The following ASIC2 variants were observed in gnomAD, a reference collection of about 807,000 sequenced individuals.
ASIC2 encodes the protein acid-sensing ion channel 2.
A neutral mutation model predicts 57.3 loss-of-function variants in ASIC2; 25 were observed. The observed-to-expected ratio is 0.44, with a 90% CI of 0.32 to 0.61. The LOEUF is 0.61. Among genes scored for constraint, ASIC2 ranks in the 20% least tolerant of loss-of-function variants. ASIC2 has a pLI of 0.06. For missense variants in ASIC2, 641 were observed against 738.1 expected (o/e 0.87, Z 1.52); for synonymous variants, 319 against 307.5 (o/e 1.04, Z -0.39).
At chr17:33,790,029 A>T (rs1312834884) in intron 1 of ASIC2, among the ~76,000 whole-genome samples, 1 of 152,252 alleles carries the variant, frequency 6.6e-6, no homozygotes, top group African/African-American at 2.4e-5. Context: ...CAATGATGAG[A>T]CATGGAAAGT....
chr17:33,826,355 G>A (rs939524762), intron 1 of ASIC2, among the ~76,000 whole-genome samples: 22 of 152,260 alleles, frequency 1.4e-4, no homozygotes, highest in African/African-American at 5.3e-4. Flanking sequence ...CCCTTTTTGG[G>A]GGAGTGAGGC....
rs12450253 is a variant in ASIC2, at chr17:33,690,600, G to A, written c.555+465378C>T. 5.7e-3 allele frequency among the ~76,000 whole-genome samples: 868 copies of A among 152,134 alleles called. 23 individuals are homozygous for A. Among genetic ancestry groups the A allele is most frequent in the Admixed American group, 0.046 (701 of 15,280 alleles). On this transcript the variant is annotated intron_variant, in intron 1 of 9. Coordinates refer to the ASIC2 transcript ENST00000359872. Reference sequence around the variant, plus strand: ...ACATACCCAAGCCCAGAAACAATGCGGGAGGGGACTATACAAGGGTTTAAG... The same window carrying A: ...ACATACCCAAGCCCAGAAACAATGCAGGAGGGGACTATACAAGGGTTTAAG...
intron 1 of ASIC2, among the ~76,000 whole-genome samples, chr17:34,098,387 C>T (rs1910623495): frequency 6.6e-6 from 1 of 152,122 alleles, no homozygotes; most frequent in African/African-American, 2.4e-5. Context: ...AAAACAACAG[C>T]AACAGTAAAA....
At chr17:34,081,494 C>A (rs1465796493) in intron 1 of ASIC2, among the ~76,000 whole-genome samples, 1 of 152,204 alleles carries the variant, frequency 6.6e-6, no homozygotes, top group East Asian at 1.9e-4. Flanking sequence ...CTGGAAAGAG[C>A]TTTCCCCAGC....
At chr17:33,763,578 C>T (rs567691599) in intron 1 of ASIC2, among the ~76,000 whole-genome samples, 2 of 152,294 alleles carry the variant, frequency 1.3e-5, no homozygotes, top group Admixed American at 6.5e-5. Flanking sequence ...CTTAGGTGCA[C>T]CCAAGTGACC....
intron 1 of ASIC2, among the ~76,000 whole-genome samples, chr17:33,419,037 C>T (rs1910956767): frequency 6.6e-6 from 1 of 152,120 alleles, no homozygotes; most frequent in Non-Finnish European, 1.5e-5. Flanking sequence ...ACCACCATGG[C>T]ACGTATATAC....
In ASIC2 at chr17:33,625,528, A is replaced by G. The variant is rs560775623; in HGVS notation, c.556-513461T>C. Among the ~76,000 whole-genome samples, 3 of 152,310 alleles carry G rather than the reference A, an allele frequency of 2.0e-5. No homozygotes were observed. In the South Asian group the frequency reaches 6.2e-4, roughly 32 times the overall value. ...CAGCTCCCATGAAAACTGTGAGCTGATAAGTTATTGTTTTAAGCTTCCACA... is the reference window on the plus strand; with the variant it reads ...CAGCTCCCATGAAAACTGTGAGCTGGTAAGTTATTGTTTTAAGCTTCCACA... On this transcript the variant is annotated intron_variant, in intron 1 of 9. Transcript: ENST00000359872.
rs188656660 is a variant in ASIC2 at position 33,844,393 on chromosome 17, C to T, written c.555+311585G>A. On this transcript the variant is annotated intron_variant, in intron 1 of 9. Coordinates refer to the ASIC2 transcript ENST00000359872. Reference sequence around the variant, plus strand: ...TGGGATGGAGTCATAACCTTCAAGACATGTGGGCAGGACCATTTAGATCAC... The same window carrying T: ...TGGGATGGAGTCATAACCTTCAAGATATGTGGGCAGGACCATTTAGATCAC... 3.3e-5 allele frequency among the ~76,000 whole-genome samples: 5 copies of T among 152,270 alleles called. No homozygotes were observed. The East Asian group carries it at 7.7e-4, about 23-fold the overall frequency.
chr17:33,068,510 C>G (rs2092053504), intron 3 of ASIC2, among the ~76,000 whole-genome samples: 1 of 144,284 alleles, frequency 6.9e-6, no homozygotes, highest in African/African-American at 2.5e-5. Context: ...GCCTGGGCAA[C>G]AAGAGCGAAA....
chr17:33,609,082 CTA>C lies in ASIC2; in HGVS notation c.556-497017_556-497016del. 2.0e-5 allele frequency among the ~76,000 whole-genome samples: 3 copies of C among 152,308 alleles called. 1 individual carries two copies. In the Middle Eastern group the frequency reaches 0.01, roughly 518 times the overall value. The stretch of plus-strand genomic sequence containing the variant: ...CCTGCCACAAAGACATGTCTTCACT[CTA>C]TGTACTTACTTCTCCCTATCTCTTT... On this transcript the variant is annotated intron_variant, in intron 1 of 9. Transcript: ENST00000359872.
chr17:33,954,760 GA>G (rs1904681830), intron 1 of ASIC2, among the ~76,000 whole-genome samples: 1 of 152,192 alleles, frequency 6.6e-6, no homozygotes, highest in Non-Finnish European at 1.5e-5. Flanking sequence ...CCTCATTTCT[GA>G]GAGGAAATGG....
At position 34,040,616 on chromosome 17, in the gene ASIC2, G is replaced by A. The variant is rs186028798; in HGVS notation, c.555+115362C>T. ...AAGCTAACAGTGCTGCCAGGTGAGAGAGTCATCATTGTTGGGCTTCACAGC... is the reference window on the plus strand; with the variant it reads ...AAGCTAACAGTGCTGCCAGGTGAGAAAGTCATCATTGTTGGGCTTCACAGC... On this transcript the variant is annotated intron_variant, in intron 1 of 9. Coordinates refer to the ASIC2 transcript ENST00000359872. Among the ~76,000 whole-genome samples the A allele has an allele frequency of 2.6e-5, 4 of 152,186 alleles. No individual in the cohort carries two copies. In the East Asian group the frequency reaches 7.7e-4, roughly 29 times the overall value.
intron 1 of ASIC2, among the ~76,000 whole-genome samples, chr17:33,805,746 C>T (rs1253737499): frequency 6.6e-6 from 1 of 152,174 alleles, no homozygotes; most frequent in African/African-American, 2.4e-5. Context: ...TAAAAATCCT[C>T]ATAAGGTCTG....
At chr17:34,102,409 T>C (rs12941989) in intron 1 of ASIC2, among the ~76,000 whole-genome samples, 55,670 of 152,046 alleles carry the variant, frequency 0.37, 12,649 homozygotes, top group Non-Finnish European at 0.51. Context: ...TCTCTAGCCA[T>C]ATCAAGATAC....
At chr17:33,688,860 A>G (rs970278736) in intron 1 of ASIC2, 3 of 152,226 alleles carry the variant, frequency 2.0e-5, no homozygotes, top group African/African-American at 7.2e-5. Flanking sequence ...GTGTCTCTGC[A>G]GGAAACAATG....
At chr17:33,593,939 A>C (rs1338965185) in intron 1 of ASIC2, among the ~76,000 whole-genome samples, 1 of 152,204 alleles carries the variant, frequency 6.6e-6, no homozygotes, top group African/African-American at 2.4e-5. Context: ...AGGGAGTTTT[A>C]AAGACCTCTG....
intron 1 of ASIC2, among the ~76,000 whole-genome samples, chr17:34,014,093 G>A (rs1906863387): frequency 6.6e-6 from 1 of 152,192 alleles, no homozygotes; most frequent in African/African-American, 2.4e-5. Flanking sequence ...ACTGGACATG[G>A]TGATAGTTTG....
chr17:33,787,747 G>T (rs1405019485), intron 1 of ASIC2, among the ~76,000 whole-genome samples: 3 of 152,194 alleles, frequency 2.0e-5, no homozygotes, highest in African/African-American at 7.2e-5. Context: ...GGAGGTAGGT[G>T]TGTGATATGG....
intron 1 of ASIC2, chr17:34,070,829 G>A (rs1482449534): frequency 1.3e-5 from 2 of 152,298 alleles, no homozygotes; most frequent in South Asian, 4.1e-4. Flanking sequence ...TGTTCCATAG[G>A]TGCTTTCTTA....
Sources: allele counts gnomAD v4.1 joint callset (sites outside exome capture counted in the v4.1 genomes callset), GRCh38; gene constraint gnomAD v4.1.1; transcripts MANE v1.5; gene names NCBI Gene and HGNC (gene_info 2026-07-23, HGNC 2026-07-21).